The following MAEL variants were observed in gnomAD, a reference collection of about 807,000 sequenced individuals.
The protein encoded by MAEL is maelstrom spermatogenic transposon silencer, also known as protein maelstrom homolog.
A neutral mutation model predicts 62.0 loss-of-function variants in MAEL; 46 were observed. That is an observed-to-expected ratio of 0.74 (90% CI 0.59 to 0.95). MAEL has a LOEUF of 0.95. Ranked by LOEUF, MAEL falls within the 40% of genes least tolerant of loss-of-function variation. MAEL has a pLI of 0.00. For missense variants in MAEL, 497 were observed against 526.8 expected (o/e 0.94, Z 0.55); for synonymous variants, 172 against 175.5 (o/e 0.98, Z 0.16).
At chr1:166,976,410 C>G (rs1159643607) in intron 1 of MAEL, among the ~76,000 whole-genome samples, 1 of 151,948 alleles carries the variant, frequency 6.6e-6, no homozygotes, top group Non-Finnish European at 1.5e-5. Flanking sequence ...CATCTTGGGT[C>G]GAGGAAAGGG....
upstream of MAEL, among the ~76,000 whole-genome samples, chr1:166,988,576 C>T (rs947655374): frequency 4.6e-5 from 7 of 151,946 alleles, no homozygotes; most frequent in Admixed American, 6.6e-5. Flanking sequence ...TATAAGAGAT[C>T]AGCAGTGTGA....
intron 3 of MAEL, among the ~76,000 whole-genome samples, chr1:166,991,687 C>T (rs1664179883): frequency 1.3e-5 from 2 of 151,486 alleles, no homozygotes; most frequent in African/African-American, 4.9e-5. Context: ...AAAATCTGTT[C>T]TCTGTTTCTA....
intron 3 of MAEL, among the ~76,000 whole-genome samples, 196 bp downstream of exon 3, chr1:166,991,673 A>C (rs1335503355): frequency 6.6e-6 from 1 of 150,986 alleles, no homozygotes; most frequent in Non-Finnish European, 1.5e-5. Context: ...TTTTTTTTTT[A>C]ACAAAAATCT....
chr1:167,006,760 C>T (rs535243044), intron 8 of MAEL, among the ~76,000 whole-genome samples: 2 of 150,642 alleles, frequency 1.3e-5, no homozygotes, highest in African/African-American at 2.4e-5. Flanking sequence ...CTCAGCCTCT[C>T]GAGTAGTTGG....
In MAEL at chr1:166,992,674, A is replaced by T; in HGVS notation, c.326-12A>T. 5 of 1,531,824 alleles carry T rather than the reference A, an allele frequency of 3.3e-6. No individual in the cohort carries two copies. The highest frequency in any genetic ancestry group is 2.5e-5 in the South Asian group (2 of 80,878). 94.9% of individuals were successfully genotyped at this position (1,531,824 alleles called of 1,614,324 possible). A position where few individuals can be genotyped will look rare whatever the true frequency, so the allele number is the denominator to read the frequency against. On this transcript the variant is annotated splice_polypyrimidine_tract_variant and intron_variant, in intron 3 of 11. Coordinates refer to ENST00000367872, the MANE Select transcript of MAEL (RefSeq NM_032858.3). The stretch of plus-strand genomic sequence containing the variant: ...ATTCATTTATTCATTTTATCTTACA[A>T]TTTTTTTTTAGCTCTCCTTGGAGGC...
Position 167,021,910 on chromosome 1 carries a change from C to A in MAEL, c.*55C>A. On this transcript the variant is annotated 3_prime_UTR_variant, in exon 12 of 12. Transcript: ENST00000367872. Reference sequence around the variant, plus strand: ...AGTAACAGGCCCAACTTCCTTCTTACTACAGTCATATTAAACAGATCACAT... The same window carrying A: ...AGTAACAGGCCCAACTTCCTTCTTAATACAGTCATATTAAACAGATCACAT... 1 of 1,161,356 alleles carries A rather than the reference C, an allele frequency of 8.6e-7. No homozygotes were observed. The highest frequency in any genetic ancestry group is 1.5e-5 in the South Asian group (1 of 68,914). The allele number at this position is 1,161,356 out of a possible 1,614,324, so 71.9% of individuals were successfully genotyped here.
At chr1:166,986,945 C>CGTGTGTGTGTGT (rs58393275), upstream of MAEL, among the ~76,000 whole-genome samples, 2,244 of 147,074 alleles carry the variant, frequency 0.015, 24 homozygotes, top group Non-Finnish European at 0.021. Context: ...AGGAAGGGGA[C>CGTGTGTGTGTGT]GTGTGTGTGT....
At chr1:167,015,092 G>A (rs1406884422) in intron 8 of MAEL, among the ~76,000 whole-genome samples, 1 of 152,172 alleles carries the variant, frequency 6.6e-6, no homozygotes, top group Non-Finnish European at 1.5e-5. Context: ...AGAAGAATGA[G>A]ATAATCCAGG....
chr1:167,003,948 T>TGA (rs1664781331), intron 5 of MAEL, among the ~76,000 whole-genome samples: 1 of 152,196 alleles, frequency 6.6e-6, no homozygotes, highest in Admixed American at 6.5e-5. Context: ...CTGATTTCTG[T>TGA]GATTCTCAGT....
intron 5 of MAEL, among the ~76,000 whole-genome samples, chr1:166,999,917 T>G (rs1382966090): frequency 6.6e-6 from 1 of 152,162 alleles, no homozygotes; most frequent in Non-Finnish European, 1.5e-5. Flanking sequence ...ATCTGCTTAT[T>G]GCATGGTTTA....
chr1:166,985,309 GGA>G (rs1663878882), upstream of MAEL, among the ~76,000 whole-genome samples: 1 of 152,066 alleles, frequency 6.6e-6, no homozygotes, highest in Non-Finnish European at 1.5e-5. Context: ...CAGAAACAAG[GGA>G]ACAGCACAAT....
chr1:166,979,920 G>T (rs563886918), intron 1 of MAEL, among the ~76,000 whole-genome samples: 30 of 152,286 alleles, frequency 2.0e-4, no homozygotes, highest in African/African-American at 7.2e-4. Flanking sequence ...TATCAAATAT[G>T]AAAAAATACA....
At chr1:166,993,828 T>C (rs1664294061) in intron 4 of MAEL, among the ~76,000 whole-genome samples, 200 bp from the exon 5 acceptor site, 1 of 152,224 alleles carries the variant, frequency 6.6e-6, no homozygotes, top group African/African-American at 2.4e-5. Flanking sequence ...CTTTTAAAAG[T>C]AGCTTAGACA....
upstream of MAEL, among the ~76,000 whole-genome samples, chr1:166,987,668 T>A (rs1663966754): frequency 6.6e-6 from 1 of 152,150 alleles, no homozygotes; most frequent in Non-Finnish European, 1.5e-5. Context: ...AGATAGACAC[T>A]TTTTCTAGGA....
At chr1:167,020,841 G>A (rs1439658967) in intron 10 of MAEL, among the ~76,000 whole-genome samples, 4 of 151,532 alleles carry the variant, frequency 2.6e-5, no homozygotes, top group Non-Finnish European at 5.9e-5. Flanking sequence ...TTCATTATCA[G>A]CAAACGTGCT....
At chr1:166,987,000 G>T (rs1260344057), upstream of MAEL, among the ~76,000 whole-genome samples, 1 of 147,924 alleles carries the variant, frequency 6.8e-6, no homozygotes, top group Non-Finnish European at 1.5e-5. Flanking sequence ...ACAATCAACT[G>T]TTACATTTGT....
chr1:166,999,733 T>C (rs1036704943), intron 5 of MAEL, among the ~76,000 whole-genome samples: 1 of 152,228 alleles, frequency 6.6e-6, no homozygotes, highest in African/African-American at 2.4e-5. Context: ...AGTCAGTGCC[T>C]GGCTTCACAG....
At chr1:166,984,651 T>C (rs756611598), upstream of MAEL, among the ~76,000 whole-genome samples, 1 of 152,222 alleles carries the variant, frequency 6.6e-6, no homozygotes, top group Admixed American at 6.5e-5. Flanking sequence ...CCGAAATCCC[T>C]GTTGATCACT....
In MAEL at chr1:167,017,926, C is replaced by G. The variant is rs371451660; in HGVS notation, c.1008C>G (p.Pro336=). Residue 336 remains proline (P), a synonymous_variant, in exon 10 of 12, where the codon CCC becomes CCG. Coordinates refer to ENST00000367872, the MANE Select transcript of MAEL (RefSeq NM_032858.3). ...ATGAGGCCAGCAATAGTGTGACACC[C>G]AAAATGGTTGTATTGGATGCAGGGC... ...QDYEASNSVT[P]KMVVLDAGRY... is the part of the protein sequence containing the mutation. The G allele has an allele frequency of 9.9e-6, 16 of 1,613,100 alleles. No homozygotes were observed. Among genetic ancestry groups the G allele is most frequent in the Non-Finnish European group, 1.4e-5 (16 of 1,179,476 alleles).
Sources: allele counts gnomAD v4.1 joint callset (sites outside exome capture counted in the v4.1 genomes callset), GRCh38; gene constraint gnomAD v4.1.1; transcripts MANE v1.5; gene names NCBI Gene and HGNC (gene_info 2026-07-23, HGNC 2026-07-21).